TUSC3: variants seen among roughly 807,000 people sequenced by gnomAD.
The protein encoded by TUSC3 is tumor suppressor candidate 3, also known as dolichyl-diphosphooligosaccharide--protein glycosyltransferase subunit TUSC3.
Under a neutral mutation model 44.8 loss-of-function variants are expected in TUSC3, and 45 were observed. The observed-to-expected ratio is 1.00, with a 90% CI of 0.79 to 1.29. The LOEUF (loss-of-function observed/expected upper bound fraction) is 1.29, where lower values mean the gene tolerates loss of function less well. Among genes scored for constraint, TUSC3 ranks in the 50% most tolerant of loss-of-function variants. The probability of loss-of-function intolerance (pLI) is 0.00; values close to 1 mark genes in which losing one functional copy is unlikely to be tolerated. For synonymous variants in TUSC3, 212 were observed against 152.9 expected (o/e 1.39, Z -2.85); for missense variants, 519 against 437.9 (o/e 1.19, Z -1.65).
chr8:15,827,976 T>C, the TUSC3 span, among the ~76,000 whole-genome samples: 1 of 148,420 alleles, frequency 6.7e-6, no homozygotes, highest in African/African-American at 2.5e-5. Context: ...CCCAGAAAAC[T>C]AATGCAGAAT....
intron 1 of TUSC3, among the ~76,000 whole-genome samples, chr8:15,555,303 TTTTTTTTTA>T (rs1407532637): frequency 2.0e-5 from 2 of 99,746 alleles, no homozygotes; most frequent in African/African-American, 3.4e-5. Context: ...TTTTTTTTTT[TTTTTTTTTA>T]AAGACATGGT....
At chr8:15,673,554 A>G (rs759724087) in intron 5 of TUSC3, among the ~76,000 whole-genome samples, 193 bp from the exon 6 acceptor site, 65 of 152,196 alleles carry the variant, frequency 4.3e-4, no homozygotes, top group Non-Finnish European at 7.7e-4. Context: ...AATTTTATAG[A>G]TACGGAATCT....
chr8:15,446,910 C>A (rs73191174), intron 1 of TUSC3, among the ~76,000 whole-genome samples: 14 of 150,854 alleles, frequency 9.3e-5, no homozygotes, highest in South Asian at 6.3e-4. Flanking sequence ...GAAAAAAAAA[C>A]AAAGGAGGTA....
chr8:15,806,443 A>G, the TUSC3 span: 96 of 801,416 alleles, frequency 1.2e-4, no homozygotes, highest in Non-Finnish European at 2.0e-4. Flanking sequence ...AAAAAATCAC[A>G]CACATGTTGT....
intron 1 of TUSC3, among the ~76,000 whole-genome samples, chr8:15,445,818 A>G (rs551319671): frequency 3.3e-5 from 5 of 152,242 alleles, no homozygotes; most frequent in South Asian, 2.1e-4. Flanking sequence ...CCTGTTCTCA[A>G]TGAGCTGTTG....
chr8:15,802,377 A>G, the TUSC3 span, among the ~76,000 whole-genome samples: 2 of 152,172 alleles, frequency 1.3e-5, no homozygotes, highest in African/African-American at 4.8e-5. Context: ...CTCCTCAAAG[A>G]TTAATTATGA....
At chr8:15,622,277 A>G (rs545629014) in intron 1 of TUSC3, among the ~76,000 whole-genome samples, 68 of 151,938 alleles carry the variant, frequency 4.5e-4, no homozygotes, top group Non-Finnish European at 7.1e-4. Flanking sequence ...TCTAAAGATA[A>G]GAGCCTTTTT....
At chr8:15,424,533 C>G (rs112931558) in intron 1 of TUSC3, among the ~76,000 whole-genome samples, 2 of 152,084 alleles carry the variant, frequency 1.3e-5, no homozygotes, top group South Asian at 4.1e-4. Context: ...ATCTGCCCAC[C>G]GCAGCAGACC....
chr8:15,421,652 A>G (rs60851216), intron 1 of TUSC3, among the ~76,000 whole-genome samples: 12,762 of 152,188 alleles, frequency 0.084, 555 homozygotes, highest in African/African-American at 0.1. Flanking sequence ...CGTTTTGTCC[A>G]CTAATGGGAC....
the TUSC3 span, among the ~76,000 whole-genome samples, chr8:15,805,835 T>A: frequency 6.6e-6 from 1 of 152,118 alleles, no homozygotes; most frequent in Non-Finnish European, 1.5e-5. Flanking sequence ...TAGAATGAGT[T>A]AGGGAGGAGT....
chr8:15,745,628 T>A (rs1199280858), intron 8 of TUSC3, among the ~76,000 whole-genome samples: 1 of 151,984 alleles, frequency 6.6e-6, no homozygotes, highest in African/African-American at 2.4e-5. Flanking sequence ...CATATCCTTT[T>A]TCTACTTTTT....
intron 7 of TUSC3, 87 bp downstream of exon 7, chr8:15,730,816 A>C: frequency 3.9e-6 from 5 of 1,273,878 alleles, no homozygotes; most frequent in Non-Finnish European, 5.6e-6. Context: ...AGTAAATATC[A>C]AGACTTTTAA....
rs1045861180 is a variant in TUSC3, at chr8:15,748,367, G to C, written c.938-8G>C. Reference sequence around the variant, plus strand: ...TAGACACTAATGGTATTTTCTGTCTGTTTCTAGTAATTTGCCTAGTGGGAT... The same window carrying C: ...TAGACACTAATGGTATTTTCTGTCTCTTTCTAGTAATTTGCCTAGTGGGAT... On this transcript the variant is annotated splice_polypyrimidine_tract_variant and splice_region_variant and intron_variant, in intron 8 of 10. Transcript: ENST00000503731. The C allele has an allele frequency of 3.7e-6, 6 of 1,607,784 alleles. No individual in the cohort carries two copies. The highest frequency in any genetic ancestry group is 5.1e-6 in the Non-Finnish European group (6 of 1,174,392).
intron 2 of TUSC3, among the ~76,000 whole-genome samples, chr8:15,511,466 T>C (rs912990235): frequency 5.3e-5 from 8 of 152,216 alleles, no homozygotes; most frequent in African/African-American, 1.9e-4. Flanking sequence ...CAAAAATGTA[T>C]TGTATTTCTC....
intron 1 of TUSC3, among the ~76,000 whole-genome samples, chr8:15,570,757 A>T (rs1423785659): frequency 6.6e-6 from 1 of 152,010 alleles, no homozygotes; most frequent in Non-Finnish European, 1.5e-5. Flanking sequence ...ATTCAAATGC[A>T]GAACTGACTT....
intron 1 of TUSC3, among the ~76,000 whole-genome samples, chr8:15,439,365 A>G (rs1030982865): frequency 2.0e-5 from 3 of 152,170 alleles, no homozygotes; most frequent in African/African-American, 7.2e-5. Flanking sequence ...CAGGAGTTTG[A>G]GACCAGCCTG....
intron 1 of TUSC3, among the ~76,000 whole-genome samples, chr8:15,552,171 T>C (rs1042182327): frequency 2.0e-5 from 3 of 151,838 alleles, no homozygotes; most frequent in Non-Finnish European, 2.9e-5. Flanking sequence ...AATACTATTA[T>C]TGATGTAAGC....
At chr8:15,662,985 A>G (rs1807492165) in intron 5 of TUSC3, among the ~76,000 whole-genome samples, 2 of 151,932 alleles carry the variant, frequency 1.3e-5, no homozygotes, top group Non-Finnish European at 2.9e-5. Flanking sequence ...TCAGAGAACT[A>G]CAGTTGTGTG....
chr8:15,830,682 C>G, the TUSC3 span, among the ~76,000 whole-genome samples: 1 of 152,104 alleles, frequency 6.6e-6, no homozygotes, highest in Non-Finnish European at 1.5e-5. Flanking sequence ...ACTGCATACT[C>G]TAACTTATAA....
Sources: allele counts gnomAD v4.1 joint callset (sites outside exome capture counted in the v4.1 genomes callset), GRCh38; gene constraint gnomAD v4.1.1; transcripts MANE v1.5; gene names NCBI Gene and HGNC (gene_info 2026-07-23, HGNC 2026-07-21).